MAGI2: variants seen among roughly 807,000 people sequenced by gnomAD.
MAGI2 encodes the protein membrane-associated guanylate kinase, WW and PDZ domain-containing protein 2.
In MAGI2, 35 loss-of-function variants were observed where a neutral mutation model predicts 133.3. The ratio of observed to expected loss-of-function variants is 0.26; its 90% CI spans 0.20 to 0.35. The LOEUF (loss-of-function observed/expected upper bound fraction) is 0.35. Ranked by LOEUF, MAGI2 falls within the 10% of genes least tolerant of loss-of-function variation. The pLI is 1.00. For synonymous variants in MAGI2, 729 were observed against 710.6 expected (o/e 1.03, Z -0.41); for missense variants, 1,636 against 1,863.4 (o/e 0.88, Z 2.25).
At position 78,065,841 on chromosome 7, in the gene MAGI2, C is replaced by T. The variant is rs148864233; in HGVS notation, c.3706+13106G>A. ...AAAGCTAACCCTATCAAGCATGCAGCAAGTGAAATTAGTGAAAGACTGAGC... is the reference window on the plus strand; with the variant it reads ...AAAGCTAACCCTATCAAGCATGCAGTAAGTGAAATTAGTGAAAGACTGAGC... On this transcript the variant is annotated intron_variant, in intron 21 of 21. Transcript: ENST00000354212. Among the ~76,000 whole-genome samples the T allele has an allele frequency of 9.2e-5, 14 of 152,210 alleles. No individual in the cohort carries two copies. The East Asian group carries it at 2.5e-3, about 27-fold the overall frequency.
intron 3 of MAGI2, among the ~76,000 whole-genome samples, chr7:78,579,703 C>T (rs767311886): frequency 1.6e-4 from 25 of 152,164 alleles, no homozygotes; most frequent in Admixed American, 4.6e-4. Context: ...GTTGAAGATG[C>T]TATATAAGCC....
chr7:79,132,703 A>G (rs1821040835), intron 1 of MAGI2, among the ~76,000 whole-genome samples: 2 of 152,064 alleles, frequency 1.3e-5, no homozygotes, highest in African/African-American at 4.8e-5. Flanking sequence ...TTTTAGCTCT[A>G]TGAGGTAAAA....
At chr7:79,096,145 G>GGCATTGCTGGGAA (rs1270347938) in intron 1 of MAGI2, among the ~76,000 whole-genome samples, 14 of 152,080 alleles carry the variant, frequency 9.2e-5, no homozygotes, top group Non-Finnish European at 1.9e-4. Context: ...GTTGCTGGGA[G>GGCATTGCTGGGAA]GCATTGCTGG....
chr7:78,477,749 G>C (rs990240526), intron 6 of MAGI2, among the ~76,000 whole-genome samples: 1 of 151,858 alleles, frequency 6.6e-6, no homozygotes, highest in Non-Finnish European at 1.5e-5. Flanking sequence ...TGAGATTTGG[G>C]TGGGGACTCA....
chr7:78,713,703 T>A (rs1241888932), intron 2 of MAGI2, among the ~76,000 whole-genome samples: 1 of 152,144 alleles, frequency 6.6e-6, no homozygotes, highest in Admixed American at 6.5e-5. Context: ...CAAAATCTAC[T>A]CTTACTTGCT....
At chr7:78,534,096 A>G (rs1797689333) in intron 3 of MAGI2, among the ~76,000 whole-genome samples, 1 of 152,214 alleles carries the variant, frequency 6.6e-6, no homozygotes, top group South Asian at 2.1e-4. Flanking sequence ...ACAATGGTGA[A>G]TGACATAAGC....
intron 21 of MAGI2, among the ~76,000 whole-genome samples, chr7:78,062,038 G>A (rs904858471): frequency 5.3e-5 from 8 of 152,324 alleles, no homozygotes; most frequent in Middle Eastern, 3.4e-3. Context: ...AGGAACCCAA[G>A]AAATGATTTC....
chr7:78,712,833 C>T (rs323138), intron 2 of MAGI2, among the ~76,000 whole-genome samples: 39,297 of 151,808 alleles, frequency 0.26, 5,975 homozygotes, highest in African/African-American at 0.4. Context: ...CATCAAAAAT[C>T]GAAGAATTTA....
At chr7:79,355,328 C>A (rs996446732) in intron 1 of MAGI2, among the ~76,000 whole-genome samples, 5 of 149,936 alleles carry the variant, frequency 3.3e-5, no homozygotes, top group African/African-American at 9.8e-5. Context: ...CTGAAACAAA[C>A]AAACAAATAA....
At chr7:78,411,260 T>A (rs985814224) in intron 6 of MAGI2, among the ~76,000 whole-genome samples, 3 of 152,148 alleles carry the variant, frequency 2.0e-5, no homozygotes, top group Non-Finnish European at 4.4e-5. Context: ...CATTTCACTT[T>A]ACATTATGCA....
chr7:79,292,837 C>T lies in MAGI2; in HGVS notation c.301+160183G>A, dbSNP rs185423310. On this transcript the variant is annotated intron_variant, in intron 1 of 21. Transcript: ENST00000354212. ...AGCTGTCATTTTGATAGGGATTGCC[C>T]TGAGTCTGAGAATCAATTTAGGGAA... Among the ~76,000 whole-genome samples the T allele has an allele frequency of 2.2e-5, 3 of 138,716 alleles. No individual in the cohort carries two copies. In the East Asian group the frequency reaches 6.6e-4, roughly 30 times the overall value. The allele number at this position is 138,716 out of a possible 152,430, so 91.0% of individuals were successfully genotyped here. A position where few individuals can be genotyped will look rare whatever the true frequency, so the allele number is the denominator to read the frequency against.
At chr7:78,180,924 ATT>A (rs371615787) in intron 13 of MAGI2, among the ~76,000 whole-genome samples, 2,554 of 107,960 alleles carry the variant, frequency 0.024, 42 homozygotes, top group African/African-American at 0.063. Context: ...AGGCAGCAGT[ATT>A]TTTTTTTTTT....
intron 2 of MAGI2, among the ~76,000 whole-genome samples, chr7:78,753,641 CA>C: frequency 6.6e-6 from 1 of 151,224 alleles, no homozygotes; most frequent in East Asian, 1.9e-4. Flanking sequence ...TCTAAAAATT[CA>C]AATCAAACTA....
At chr7:78,899,362 A>G (rs914023608) in intron 2 of MAGI2, among the ~76,000 whole-genome samples, 2 of 152,162 alleles carry the variant, frequency 1.3e-5, no homozygotes, top group Non-Finnish European at 2.9e-5. Context: ...CTGCTTTTGC[A>G]ATACTGACCA....
At chr7:79,421,675 T>C (rs2190182) in intron 1 of MAGI2, among the ~76,000 whole-genome samples, 37,295 of 151,676 alleles carry the variant, frequency 0.25, 6,639 homozygotes, top group African/African-American at 0.51. Flanking sequence ...CCTGGTGGGC[T>C]ATCATCTGAA....
At chr7:79,361,067 A>G (rs1464062589) in intron 1 of MAGI2, among the ~76,000 whole-genome samples, 3 of 152,208 alleles carry the variant, frequency 2.0e-5, no homozygotes, top group African/African-American at 7.2e-5. Context: ...GGAATGGCTA[A>G]TTAATATCCA....
At chr7:78,291,101 T>C (rs1285428202) in intron 9 of MAGI2, among the ~76,000 whole-genome samples, 4 of 151,734 alleles carry the variant, frequency 2.6e-5, no homozygotes, top group East Asian at 1.9e-4. Flanking sequence ...CTGAAGAAAA[T>C]AGAGACACAA....
intron 1 of MAGI2, among the ~76,000 whole-genome samples, chr7:79,306,414 G>A (rs1837819265): frequency 1.3e-5 from 2 of 150,736 alleles, no homozygotes; most frequent in South Asian, 4.2e-4. Context: ...CTCCCACCTC[G>A]TCCTTCCAAA....
intron 1 of MAGI2, among the ~76,000 whole-genome samples, chr7:79,099,195 G>C (rs952778001): frequency 1.3e-5 from 2 of 151,916 alleles, no homozygotes; most frequent in Non-Finnish European, 1.5e-5. Context: ...AAAAATCTGA[G>C]TTCCAGAGAG....
Sources: gnomAD v4.1 joint callset for allele counts (sites outside exome capture counted in the v4.1 genomes callset) on GRCh38, gnomAD v4.1.1 for gene constraint, MANE v1.5 for transcripts, NCBI Gene and HGNC (gene_info 2026-07-23, HGNC 2026-07-21) for gene names.